Variants in INSL6 observed in about 807,000 individuals in gnomAD.
INSL6 encodes insulin-like peptide INSL6.
Under a neutral mutation model 9.4 loss-of-function variants are expected in INSL6, and 16 were observed. The ratio of observed to expected loss-of-function variants is 1.70; its 90% CI spans 1.15 to 2.59. INSL6 has a LOEUF of 2.59. INSL6 is among the 30% of genes most tolerant of loss of function. The pLI is 0.00. For synonymous variants in INSL6, 154 were observed against 96.9 expected, an observed-to-expected ratio of 1.59 and a Z score of -3.46; for missense variants, 391 against 257.3, an observed-to-expected ratio of 1.52 and a Z score of -3.56.
chr9:5,098,378 C>T, the INSL6 span: 1 of 152,178 alleles, frequency 6.6e-6, no homozygotes, highest in African/African-American at 2.4e-5. Flanking sequence ...CAAGACGCTA[C>T]ATCCCCTATC....
At chr9:5,014,969 T>C in the INSL6 span, among the ~76,000 whole-genome samples, 2 of 152,156 alleles carry the variant, frequency 1.3e-5, no homozygotes, top group South Asian at 4.1e-4. Flanking sequence ...AACACATGTA[T>C]ATGCCTAAAC....
chr9:5,087,308 T>C, the INSL6 span, among the ~76,000 whole-genome samples: 1 of 152,284 alleles, frequency 6.6e-6, no homozygotes, highest in East Asian at 1.9e-4. Context: ...AAATGCCAGA[T>C]GCTTACAAAA....
the INSL6 span, chr9:5,094,073 A>C: frequency 1.3e-5 from 2 of 152,298 alleles, no homozygotes; most frequent in African/African-American, 4.8e-5. Flanking sequence ...CTTTACAATC[A>C]AAGGTTCAAC....
At chr9:5,099,383 G>C in the INSL6 span, 1 of 152,084 alleles carries the variant, frequency 6.6e-6, no homozygotes, top group East Asian at 1.9e-4. Context: ...GATTGACGGA[G>C]TCTACACCTC....
chr9:5,137,905 TA>T (rs1202275390), intron 2 of INSL6, among the ~76,000 whole-genome samples: 2 of 151,006 alleles, frequency 1.3e-5, no homozygotes, highest in East Asian at 3.9e-4. Context: ...AAAAAACCCA[TA>T]AAAAAGTAGG....
chr9:5,077,824 T>C, the INSL6 span, among the ~76,000 whole-genome samples: 1 of 152,246 alleles, frequency 6.6e-6, no homozygotes, highest in Non-Finnish European at 1.5e-5. Flanking sequence ...ATCTGTATGT[T>C]GTGTCTTTTG....
chr9:5,004,106 T>G, the INSL6 span, among the ~76,000 whole-genome samples: 3 of 152,196 alleles, frequency 2.0e-5, no homozygotes, highest in Non-Finnish European at 2.9e-5. Flanking sequence ...CTAATTAACA[T>G]ATGTATCACC....
At chr9:5,119,595 A>G (rs1337728187), downstream of INSL6, among the ~76,000 whole-genome samples, 3 of 152,188 alleles carry the variant, frequency 2.0e-5, no homozygotes, top group African/African-American at 4.8e-5. Context: ...TTAATTTGCA[A>G]TAAATAATAC....
chr9:5,090,681 A>T, the INSL6 span: 1 of 1,541,592 alleles, frequency 6.5e-7, no homozygotes, highest in South Asian at 1.3e-5. Flanking sequence ...TAGGGTTAAG[A>T]CCATTTAAAT....
the INSL6 span, among the ~76,000 whole-genome samples, chr9:5,033,315 T>G: frequency 2.6e-5 from 4 of 152,212 alleles, no homozygotes. Flanking sequence ...GAAAACACTC[T>G]GCAGGATATT....
At position 5,145,968 on chromosome 9, in the gene INSL6, T is replaced by C. The variant is rs928586196; in HGVS notation, c.377-12376A>G. ...GTCATTTCAGCCATCTCAGCCTCAA[T>C]CAAGTCCTTAACTCTTGCTGGAGAA... On this transcript the variant is annotated intron_variant, in intron 2 of 3. Transcript: ENST00000649639. 7.2e-5 allele frequency among the ~76,000 whole-genome samples: 11 copies of C among 152,292 alleles called. No homozygotes were observed. The South Asian group carries it at 2.1e-3, about 29-fold the overall frequency.
intron 2 of INSL6, among the ~76,000 whole-genome samples, chr9:5,136,891 T>A (rs779582659): frequency 3.9e-5 from 6 of 152,032 alleles, no homozygotes; most frequent in Non-Finnish European, 8.8e-5. Flanking sequence ...CAGCCCAAAA[T>A]CTCCTTAAGC....
At chr9:5,046,232 C>T in the INSL6 span, among the ~76,000 whole-genome samples, 1 of 152,108 alleles carries the variant, frequency 6.6e-6, no homozygotes, top group Non-Finnish European at 1.5e-5. Context: ...GAGATGTCTA[C>T]TGAAGTCCTT....
At chr9:5,017,942 A>G in the INSL6 span, among the ~76,000 whole-genome samples, 1 of 152,302 alleles carries the variant, frequency 6.6e-6, no homozygotes, top group Non-Finnish European at 1.5e-5. Context: ...ATACCTTTGC[A>G]TGGAATATCT....
the INSL6 span, among the ~76,000 whole-genome samples, chr9:5,047,402 T>G: frequency 1.5e-4 from 23 of 152,326 alleles, no homozygotes; most frequent in Admixed American, 2.6e-4. Flanking sequence ...CCTTTTAAAT[T>G]CAGTTTCCTC....
At chr9:5,127,088 C>T (rs1824047709) in intron 3 of INSL6, 1 of 266,466 alleles carries the variant, frequency 3.8e-6, no homozygotes. Flanking sequence ...TTTTTCAACT[C>T]AGCTTTTTGA....
At chr9:4,992,537 C>T in the INSL6 span, among the ~76,000 whole-genome samples, 2 of 152,166 alleles carry the variant, frequency 1.3e-5, no homozygotes, top group African/African-American at 4.8e-5. Context: ...CTTCACATCC[C>T]TCCTGTATCT....
chr9:5,156,647 T>C (rs1458233914), intron 2 of INSL6, among the ~76,000 whole-genome samples: 1 of 152,178 alleles, frequency 6.6e-6, no homozygotes, highest in Non-Finnish European at 1.5e-5. Context: ...TTGCATTCTC[T>C]AGTTAATGTT....
the INSL6 span, among the ~76,000 whole-genome samples, chr9:5,083,947 A>T: frequency 6.6e-6 from 1 of 152,060 alleles, no homozygotes; most frequent in South Asian, 2.1e-4. Context: ...TTTTTCATAT[A>T]TCAAGATTTT....
Sources: allele counts gnomAD v4.1 joint callset (sites outside exome capture counted in the v4.1 genomes callset), GRCh38; gene constraint gnomAD v4.1.1; transcripts MANE v1.5; gene names NCBI Gene and HGNC (gene_info 2026-07-23, HGNC 2026-07-21).